SPPL2B: variants seen among roughly 807,000 people sequenced by gnomAD.
SPPL2B encodes signal peptide peptidase like 2B.
SPPL2B carries 39 observed loss-of-function variants against 59.7 expected under a neutral mutation model. The ratio of observed to expected loss-of-function variants is 0.65; its 90% CI spans 0.51 to 0.85. The LOEUF (loss-of-function observed/expected upper bound fraction) is 0.85, where lower values mean the gene tolerates loss of function less well. SPPL2B is among the 40% of genes least tolerant of loss of function. The probability of loss-of-function intolerance (pLI) is 0.00; values close to 1 mark genes in which losing one functional copy is unlikely to be tolerated. For missense variants in SPPL2B, 865 were observed against 849.0 expected, an observed-to-expected ratio of 1.02 and a Z score of -0.23; for synonymous variants, 419 against 370.8, an observed-to-expected ratio of 1.13 and a Z score of -1.49.
Position 2,345,216 on chromosome 19 carries a change from C to T in SPPL2B, c.1277-37C>T, listed in dbSNP as rs571561686. On this transcript the variant is annotated intron_variant, in intron 12 of 14. Coordinates refer to ENST00000613503, the MANE Select transcript of SPPL2B (RefSeq NM_152988.3). ...AGGAAGCCCCTGCTCTGAGGCTCTG[C>T]GGGCCCGAGTAAGCCTCCGCCCTGT... 886 of 1,591,580 alleles carry T rather than the reference C, an allele frequency of 5.6e-4. 12 individuals are homozygous for T. In the South Asian group the frequency reaches 8.7e-3, roughly 16 times the overall value.
chr19:2,335,010 CCAGA>C (rs1470754879), intron 2 of SPPL2B, among the ~76,000 whole-genome samples: 2 of 152,106 alleles, frequency 1.3e-5, no homozygotes, highest in African/African-American at 4.8e-5. Flanking sequence ...TCCAGTGGGC[CCAGA>C]CAGAGGGGTC....
At chr19:2,335,640 GCCTCCTTTCCCACCC>G (rs1968552772) in intron 2 of SPPL2B, among the ~76,000 whole-genome samples, 2 of 142,038 alleles carry the variant, frequency 1.4e-5, no homozygotes, top group South Asian at 4.6e-4. Context: ...TTCAGGCCCC[GCCTCCTTTCCCACCC>G]CATCCCTCAG....
chr19:2,334,733 C>G lies in SPPL2B; in HGVS notation c.186+12C>G. 1 of 1,570,160 alleles carries G rather than the reference C, an allele frequency of 6.4e-7. No homozygotes were observed. Among genetic ancestry groups the G allele is most frequent in the Non-Finnish European group, 8.6e-7 (1 of 1,157,944 alleles). Reference sequence around the variant, plus strand: ...ACCTCAGCAAGGCAGTGAGTACCCGCTGGCCGGGCGCCGCTGCGGAGGAGA... The same window carrying G: ...ACCTCAGCAAGGCAGTGAGTACCCGGTGGCCGGGCGCCGCTGCGGAGGAGA... On this transcript the variant is annotated intron_variant, in intron 2 of 14. Coordinates refer to ENST00000613503, the MANE Select transcript of SPPL2B (RefSeq NM_152988.3).
At chr19:2,350,763 C>T (rs532825514) in intron 13 of SPPL2B, among the ~76,000 whole-genome samples, 44 of 152,240 alleles carry the variant, frequency 2.9e-4, no homozygotes, top group Non-Finnish European at 5.3e-4. Context: ...TGGCAGGACG[C>T]GGGTGGGTTC....
At chr19:2,338,413 CTCAAG>C in intron 3 of SPPL2B, 1 of 204,866 alleles carries the variant, frequency 4.9e-6, no homozygotes, top group South Asian at 1.0e-4. Flanking sequence ...GGGTGCGGGG[CTCAAG>C]GCGGCTTAGT....
chr19:2,340,340 G>A (rs867956649), intron 7 of SPPL2B, among the ~76,000 whole-genome samples, 168 bp downstream of exon 7: 1 of 152,146 alleles, frequency 6.6e-6, no homozygotes, highest in South Asian at 2.1e-4. Flanking sequence ...CGGAGTCTGG[G>A]CGAGCTATCA....
intron 13 of SPPL2B, among the ~76,000 whole-genome samples, chr19:2,350,070 GCGC>G (rs1969816567): frequency 8.0e-6 from 1 of 124,396 alleles, no homozygotes; most frequent in African/African-American, 3.2e-5. Context: ...ACACACTCAC[GCGC>G]TCTCATTCGC....
At chr19:2,336,691 A>C (rs922299666) in intron 2 of SPPL2B, among the ~76,000 whole-genome samples, 1 of 138,112 alleles carries the variant, frequency 7.2e-6, no homozygotes, top group African/African-American at 2.8e-5. Flanking sequence ...CTTGAGTGTG[A>C]GTGTGCATGT....
intron 7 of SPPL2B, 97 bp downstream of exon 7, chr19:2,340,269 C>A: frequency 2.0e-6 from 2 of 977,048 alleles, no homozygotes; most frequent in Non-Finnish European, 2.9e-6. Context: ...CAATATTGCT[C>A]AGAGTCTACA....
chr19:2,351,346 C>A, intron 13 of SPPL2B, 88 bp from the exon 14 acceptor site: 1 of 1,160,530 alleles, frequency 8.6e-7, no homozygotes, highest in Admixed American at 2.0e-5. Context: ...TGCCCTCCAC[C>A]AACCCCAGCC....
At chr19:2,341,453 G>A (rs1969048492) in intron 8 of SPPL2B, 1 of 450,946 alleles carries the variant, frequency 2.2e-6, no homozygotes, top group African/African-American at 2.0e-5. Context: ...TGGTGGAGGT[G>A]GGGCAGGCAC....
rs1034005864 is a variant in SPPL2B, at chr19:2,332,734, T to C, written c.67-1868T>C. On this transcript the variant is annotated intron_variant, in intron 1 of 14. Transcript: ENST00000613503. The surrounding 1 kb of genome is among the most constrained non-coding windows in gnomAD (Gnocchi z 4.6). ...GGTCCCTGGCACGTGGTTTTTCTTC[T>C]GGGACCCCTCCTCCCTGTGCAGGCC... Among the ~76,000 whole-genome samples the C allele has an allele frequency of 3.3e-5, 5 of 152,138 alleles. No individual in the cohort carries two copies. Among genetic ancestry groups the C allele is most frequent in the Non-Finnish European group, 7.4e-5 (5 of 68,012 alleles).
At chr19:2,341,963 GCCGCA>G (rs1460292233) in intron 8 of SPPL2B, 4 of 199,170 alleles carry the variant, frequency 2.0e-5, no homozygotes, top group Non-Finnish European at 4.2e-5. Context: ...AAAATAACTG[GCCGCA>G]GTTCTCTGGG....
chr19:2,344,763 C>T (rs1252749462), intron 12 of SPPL2B, 111 bp downstream of exon 12: 1 of 746,356 alleles, frequency 1.3e-6, no homozygotes, highest in Non-Finnish European at 2.3e-6. Flanking sequence ...GAGATAAAGC[C>T]CTGAGGGTCA....
chr19:2,344,600 C>A lies in SPPL2B; in HGVS notation c.1224C>A (p.Ala408=), dbSNP rs771290080. The A allele has an allele frequency of 6.2e-7, 1 of 1,613,170 alleles. No homozygotes were observed. The highest frequency in any genetic ancestry group is 8.5e-7 in the Non-Finnish European group (1 of 1,179,738). ...KVPRLNSSPL[A]LCDRPFSLLG... ...CCAGGCTGAACTCCTCACCTCTGGC[C>A]CTGTGTGACCGGCCCTTCTCCCTCC... Residue 408 remains alanine, a synonymous_variant, in exon 12 of 15, where the codon GCC becomes GCA. Transcript: ENST00000613503.
chr19:2,348,332 TTCTC>T (rs1297753444), intron 13 of SPPL2B, among the ~76,000 whole-genome samples: 30 of 86,612 alleles, frequency 3.5e-4, no homozygotes, highest in African/African-American at 1.4e-3. Context: ...CTTGATGCGG[TTCTC>T]TCTCCACACA....
At chr19:2,328,861 C>T (rs907150547) in intron 1 of SPPL2B, 86 bp downstream of exon 1, 34 of 1,187,746 alleles carry the variant, frequency 2.9e-5, no homozygotes, top group African/African-American at 2.1e-4. Flanking sequence ...AACGACCCCG[C>T]TCGGCCCGTC....
chr19:2,339,605 C>T, intron 5 of SPPL2B: 1 of 613,976 alleles, frequency 1.6e-6, no homozygotes, highest in Non-Finnish European at 2.9e-6. Context: ...GGCCTAGTGG[C>T]CACCCCAGCT....
chr19:2,340,603 C>T (rs953549437), intron 7 of SPPL2B: 10 of 548,742 alleles, frequency 1.8e-5, no homozygotes, highest in African/African-American at 1.7e-4. Flanking sequence ...GTGTTGCCGT[C>T]CCTGGGTGAG....
Sources: allele counts gnomAD v4.1 joint callset (sites outside exome capture counted in the v4.1 genomes callset), GRCh38; gene constraint gnomAD v4.1.1; non-coding constraint Gnocchi (gnomAD v3.1); transcripts MANE v1.5; gene names NCBI Gene and HGNC (gene_info 2026-07-23, HGNC 2026-07-21).